Variants in SMYD4 observed in about 807,000 individuals in gnomAD.
SMYD4 encodes the protein protein-lysine N-methyltransferase SMYD4.
A neutral mutation model predicts 72.8 loss-of-function variants in SMYD4; 68 were observed. That is an observed-to-expected ratio of 0.93 (90% CI 0.77 to 1.14). SMYD4 has a LOEUF of 1.14. SMYD4 is among the 50% of genes most tolerant of loss of function. SMYD4 has a pLI of 0.00. For missense variants in SMYD4, 984 were observed against 1,003.7 expected, an observed-to-expected ratio of 0.98 and a Z score of 0.27; for synonymous variants, 407 against 388.6, an observed-to-expected ratio of 1.05 and a Z score of -0.56.
intron 10 of SMYD4, 90 bp downstream of exon 10, chr17:1,782,945 G>C: frequency 4.6e-6 from 7 of 1,527,782 alleles, no homozygotes; most frequent in Non-Finnish European, 6.2e-6. Context: ...GTTTCAACAT[G>C]CTTTTAAAAA....
At chr17:1,829,308 G>A (rs569195848) in intron 1 of SMYD4, 5 of 152,472 alleles carry the variant, frequency 3.3e-5, no homozygotes, top group Admixed American at 2.0e-4. Context: ...ACTCTCCAAT[G>A]TTTTGGCATA....
intron 4 of SMYD4, among the ~76,000 whole-genome samples, chr17:1,801,462 G>A (rs1220240116): frequency 1.3e-5 from 2 of 151,018 alleles, no homozygotes; most frequent in Admixed American, 6.6e-5. Flanking sequence ...GGATGGTTTC[G>A]ATCTCCTGAC....
At chr17:1,822,675 G>A (rs1478848942) in intron 2 of SMYD4, among the ~76,000 whole-genome samples, 3 of 152,074 alleles carry the variant, frequency 2.0e-5, no homozygotes, top group Admixed American at 1.3e-4. Context: ...ACGTTGCCCA[G>A]GCTGGTCTTG....
intron 3 of SMYD4, among the ~76,000 whole-genome samples, chr17:1,808,268 T>C (rs1597387235): frequency 1.3e-5 from 2 of 152,080 alleles, no homozygotes; most frequent in Non-Finnish European, 2.9e-5. Flanking sequence ...TTCTCTGTCA[T>C]GGAACACTAA....
chr17:1,785,533 G>A (rs1454619929), intron 7 of SMYD4, among the ~76,000 whole-genome samples: 2 of 151,704 alleles, frequency 1.3e-5, no homozygotes, highest in African/African-American at 2.4e-5. Context: ...CAGGTAGGTC[G>A]CTTGAGGCCA....
At chr17:1,807,667 G>A (rs1309766696) in intron 3 of SMYD4, among the ~76,000 whole-genome samples, 1 of 152,160 alleles carries the variant, frequency 6.6e-6, no homozygotes, top group East Asian at 1.9e-4. Flanking sequence ...CCGGCCTGAG[G>A]ACGCTCTTTA....
In SMYD4 at chr17:1,786,874, T is replaced by A; in HGVS notation, c.1820A>T (p.His607Leu). 6.2e-7 allele frequency: 1 copy of A among 1,614,226 alleles called. No homozygotes were observed. The highest frequency in any genetic ancestry group is 1.7e-5 in the Admixed American group (1 of 60,032). The change falls in exon 7 of 11, where the codon CAC (histidine) becomes CTC (leucine). Residue 607 changes from histidine (H) to leucine (L), a missense_variant. By Grantham distance (99) the His-to-Leu change is moderately conservative (BLOSUM62 -3). Transcript: ENST00000305513. ...CACPACQTEA[H>L]RMAAGPRWEA... ...CCACCTGGGCCCTGCAGCCATCCTG[T>A]GTGCCTCAGTTTGACAAGCTGGACA...
chr17:1,791,621 C>T (rs890467019), intron 5 of SMYD4, among the ~76,000 whole-genome samples: 1 of 152,018 alleles, frequency 6.6e-6, no homozygotes, highest in African/African-American at 2.4e-5. Context: ...TGCTGGTGGG[C>T]GCGTCAGTGG....
rs1908285605 is a variant in SMYD4, at chr17:1,780,003, C to T, written c.*1283G>A. 2 of 152,550 alleles carry T rather than the reference C, an allele frequency of 1.3e-5. No homozygotes were observed. Among genetic ancestry groups the T allele is most frequent in the Admixed American group, 6.5e-5 (1 of 15,278 alleles). The allele number at this position is 152,550 out of a possible 1,614,324, so 9.4% of individuals were successfully genotyped here. A position where few individuals can be genotyped will look rare whatever the true frequency, so the allele number is the denominator to read the frequency against. On this transcript the variant is annotated 3_prime_UTR_variant, in exon 11 of 11. Transcript: ENST00000305513. Reference sequence around the variant, plus strand: ...CAGATGCCTGCAGATCAGCTAAAATCCTTTTAAAGGACTTGGAATCTCCAG... The same window carrying T: ...CAGATGCCTGCAGATCAGCTAAAATTCTTTTAAAGGACTTGGAATCTCCAG...
chr17:1,820,112 C>T lies in SMYD4; in HGVS notation c.134+7749G>A, dbSNP rs550461956. ...CAAAAGTCAATTAAGAAAGTAAACT[C>T]GGATATTTAGAGTACCACCATGGAC... is the stretch of plus-strand genomic sequence containing the variant. On this transcript the variant is annotated intron_variant, in intron 2 of 10. Coordinates refer to ENST00000305513, the MANE Select transcript of SMYD4 (RefSeq NM_052928.3). 6.6e-5 allele frequency among the ~76,000 whole-genome samples: 10 copies of T among 152,164 alleles called. No individual in the cohort carries two copies. The South Asian group carries it at 1.5e-3, about 22-fold the overall frequency.
intron 7 of SMYD4, among the ~76,000 whole-genome samples, chr17:1,785,988 G>A (rs1908670287): frequency 6.6e-6 from 1 of 152,222 alleles, no homozygotes; most frequent in Non-Finnish European, 1.5e-5. Flanking sequence ...TTTGGCAACA[G>A]CAACCCAACC....
chr17:1,797,480 G>A lies in SMYD4; in HGVS notation c.1537+2377C>T, dbSNP rs148711780. ...CATCCAACCTTCCCATCTATCTTAA[G>A]TAGTGTTATCTATAGGCTCCAGTTC... On this transcript the variant is annotated intron_variant, in intron 5 of 10. Transcript: ENST00000305513. 6.8e-3 allele frequency among the ~76,000 whole-genome samples: 1,041 copies of A among 152,282 alleles called. 12 individuals are homozygous for A. The highest frequency in any genetic ancestry group is 0.023 in the African/African-American group (954 of 41,560).
chr17:1,801,952 G>A (rs1209255978), intron 4 of SMYD4, among the ~76,000 whole-genome samples: 2 of 151,798 alleles, frequency 1.3e-5, no homozygotes, highest in Non-Finnish European at 2.9e-5. Flanking sequence ...CTCCAGCCTG[G>A]GTGACAGAGC....
chr17:1,803,884 T>TA (rs1183440762), intron 4 of SMYD4, among the ~76,000 whole-genome samples: 1 of 116,580 alleles, frequency 8.6e-6, no homozygotes, highest in Non-Finnish European at 2.2e-5. Context: ...CGAGTTCAGT[T>TA]AGTTTTTTTT....
intron 2 of SMYD4, among the ~76,000 whole-genome samples, chr17:1,812,884 T>C (rs1178926454): frequency 6.6e-6 from 1 of 151,726 alleles, no homozygotes; most frequent in African/African-American, 2.4e-5. Flanking sequence ...GCTAATTTTT[T>C]ATTCTTTATC....
intron 5 of SMYD4, among the ~76,000 whole-genome samples, chr17:1,793,488 G>T (rs1173044820): frequency 6.6e-6 from 1 of 151,868 alleles, no homozygotes; most frequent in Non-Finnish European, 1.5e-5. Flanking sequence ...GCCAGCCCAG[G>T]CTTGTTCACA....
rs1261014289 is a variant in SMYD4 at position 1,811,975 on chromosome 17, G to C, written c.275C>G (p.Ser92Cys). Residue 92 changes from serine to cysteine, a missense_variant, in exon 3 of 11, where the codon TCT becomes TGT. By Grantham distance (112) the Ser-to-Cys change is moderately radical. Transcript: ENST00000305513. ...CTTGAGCTGGGAGTGTTTTACCTTAGAGTACAGCACTGCAGCTCCTGTGTA... is the reference window on the plus strand; with the variant it reads ...CTTGAGCTGGGAGTGTTTTACCTTACAGTACAGCACTGCAGCTCCTGTGTA... ...KDYTGAAVLYSKGVSHSRPNT... is the reference protein window; with the variant it reads ...KDYTGAAVLYCKGVSHSRPNT... 3 of 1,612,528 alleles carry C rather than the reference G, an allele frequency of 1.9e-6. No homozygotes were observed. The highest frequency in any genetic ancestry group is 4.5e-5 in the East Asian group (2 of 44,868).
chr17:1,824,546 C>T (rs188272457), intron 2 of SMYD4, among the ~76,000 whole-genome samples: 2 of 152,150 alleles, frequency 1.3e-5, no homozygotes, highest in South Asian at 2.1e-4. Flanking sequence ...GTAACAGAAT[C>T]GTGGGAGTGG....
chr17:1,800,021 C>T lies in SMYD4; in HGVS notation c.1373G>A (p.Ser458Asn), dbSNP rs1179977394. The change falls in exon 5 of 11, where the codon AGT becomes AAT. Residue 458 changes from serine to asparagine, a missense_variant. Transcript: ENST00000305513. ...SALCRQLEAA[S>N]LQAIPTERIV... ...CCTCTCAGTTGGGATGGCCTGTAAACTGGCTGCTTCTAGCTGTCTGCACAG... is the reference window on the plus strand; with the variant it reads ...CCTCTCAGTTGGGATGGCCTGTAAATTGGCTGCTTCTAGCTGTCTGCACAG... The T allele has an allele frequency of 6.2e-7, 1 of 1,614,164 alleles. No individual in the cohort carries two copies. Among genetic ancestry groups the T allele is most frequent in the Non-Finnish European group, 8.5e-7 (1 of 1,180,022 alleles).
Sources: gnomAD v4.1 joint callset for allele counts (sites outside exome capture counted in the v4.1 genomes callset) on GRCh38, gnomAD v4.1.1 for gene constraint, MANE v1.5 for transcripts, NCBI Gene and HGNC (gene_info 2026-07-23, HGNC 2026-07-21) for gene names.